IQCE: variants seen among roughly 807,000 people sequenced by gnomAD.
IQCE encodes IQ motif containing E, also known as IQ domain-containing protein E.
In IQCE, 115 loss-of-function variants were observed where a neutral mutation model predicts 96.0. The ratio of observed to expected loss-of-function variants is 1.20; its 90% CI spans 1.03 to 1.40. IQCE has a LOEUF of 1.40. Ranked by LOEUF, IQCE falls within the 40% of genes most tolerant of loss-of-function variation. The pLI, the probability that IQCE is intolerant of heterozygous loss-of-function variation, is 0.00. For synonymous variants in IQCE, 412 were observed against 371.2 expected, an observed-to-expected ratio of 1.11 and a Z score of -1.26; for missense variants, 1,041 against 909.1, an observed-to-expected ratio of 1.15 and a Z score of -1.87.
intron 9 of IQCE, 57 bp from the exon 10 acceptor site, chr7:2,583,580 G>T: frequency 7.4e-7 from 1 of 1,358,890 alleles, no homozygotes; most frequent in Non-Finnish European, 1.0e-6. Flanking sequence ...TCTTCCTCTT[G>T]CTCTGTCCCC....
intron 8 of IQCE, among the ~76,000 whole-genome samples, chr7:2,579,016 G>A (rs1409268073): frequency 2.0e-5 from 3 of 149,644 alleles, no homozygotes; most frequent in Admixed American, 6.7e-5. Context: ...TTGAGATCGC[G>A]CCACTGCACT....
At chr7:2,560,316 A>G (rs1355498296) in intron 1 of IQCE, among the ~76,000 whole-genome samples, 7 of 152,252 alleles carry the variant, frequency 4.6e-5, no homozygotes, top group Non-Finnish European at 1.5e-5. Context: ...GAGCCTGACT[A>G]TGGGGAGTCC....
chr7:2,595,082 A>T (rs1335790816), intron 16 of IQCE, 106 bp downstream of exon 16: 11 of 764,952 alleles, frequency 1.4e-5, no homozygotes, highest in Non-Finnish European at 1.2e-5. Flanking sequence ...AGCCACTGAA[A>T]ATCCCACTCC....
Position 2,610,289 on chromosome 7 carries a change from C to T in IQCE, c.*127C>T, listed in dbSNP as rs1352123574. 1.8e-5 allele frequency: 12 copies of T among 678,120 alleles called. No homozygotes were observed. Among genetic ancestry groups the T allele is most frequent in the Non-Finnish European group, 2.4e-5 (9 of 373,542 alleles). 42.0% of individuals were successfully genotyped at this position (678,120 alleles called of 1,614,324 possible). A position where few individuals can be genotyped will look rare whatever the true frequency, so the allele number is the denominator to read the frequency against. ...CTACTTAACACCTCAGCATCTGCGT[C>T]GTGTCTCTTTGTGCTTTTGTTTGTG... On this transcript the variant is annotated 3_prime_UTR_variant, in exon 22 of 22. Transcript: ENST00000402050.
chr7:2,608,405 G>A (rs746645452), intron 21 of IQCE, among the ~76,000 whole-genome samples: 2 of 152,232 alleles, frequency 1.3e-5, no homozygotes, highest in African/African-American at 2.4e-5. Context: ...CGTATACCAC[G>A]TTTGACCTGG....
rs201803520 is a variant in IQCE, at chr7:2,610,219, C to G, written c.*57C>G. 6 of 979,474 alleles carry G rather than the reference C, an allele frequency of 6.1e-6. No homozygotes were observed. Among genetic ancestry groups the G allele is most frequent in the Non-Finnish European group, 1.0e-5 (6 of 602,158 alleles). The allele number at this position is 979,474 out of a possible 1,614,324, so 60.7% of individuals were successfully genotyped here. On this transcript the variant is annotated 3_prime_UTR_variant, in exon 22 of 22. Transcript: ENST00000402050. ...AGCGCTGCCGAGGACATAGGAACCA[C>G]GACTGGAAAGATAATTTATCGTGTT...
intron 1 of IQCE, among the ~76,000 whole-genome samples, chr7:2,562,146 A>G (rs189689898): frequency 2.5e-3 from 374 of 151,988 alleles, no homozygotes; most frequent in Non-Finnish European, 3.4e-3. Flanking sequence ...TTTTGAGAAA[A>G]TCATATGTTT....
chr7:2,581,439 CAGGCAATCTGGCTGCCTTGG>C (rs1269151509), intron 8 of IQCE, among the ~76,000 whole-genome samples: 3 of 152,122 alleles, frequency 2.0e-5, no homozygotes, highest in Non-Finnish European at 2.9e-5. Context: ...CTCCTAACCT[CAGGCAATCTGGCTGCCTTGG>C]CTTCCCAAAG....
At chr7:2,587,447 G>A (rs1783212194) in intron 12 of IQCE, among the ~76,000 whole-genome samples, 1 of 152,122 alleles carries the variant, frequency 6.6e-6, no homozygotes, top group African/African-American at 2.4e-5. Flanking sequence ...GAGGGGAGGA[G>A]TGGCTAGCGA....
At chr7:2,594,638 G>C (rs1195384325) in intron 15 of IQCE, among the ~76,000 whole-genome samples, 2 of 152,250 alleles carry the variant, frequency 1.3e-5, no homozygotes, top group Non-Finnish European at 2.9e-5. Context: ...GGGGTCCTCA[G>C]CCACGGCCTC....
Position 2,585,967 on chromosome 7 carries a change from C to G in IQCE, c.825-241C>G, listed in dbSNP as rs370302255. Among the ~76,000 whole-genome samples, 4 of 152,272 alleles carry G rather than the reference C, an allele frequency of 2.6e-5. No individual in the cohort carries two copies. The East Asian group carries it at 7.7e-4, about 29-fold the overall frequency. On this transcript the variant is annotated intron_variant, in intron 11 of 21. Coordinates refer to ENST00000402050, the MANE Select transcript of IQCE (RefSeq NM_152558.5). ...GGAAAGTATAATACTGATGGTTGAA[C>G]ACGGTATTTTGTTACACAGGTTTAC...
rs1781897822 is a variant in IQCE, at chr7:2,573,406, A to G, written c.395-12A>G. ...AGATAGTCTTTGAAACGATTTGTTT[A>G]TGTTTCTCTAGGTCATGTCCCTGGG... On this transcript the variant is annotated splice_polypyrimidine_tract_variant and intron_variant, in intron 5 of 21. Coordinates refer to ENST00000402050, the MANE Select transcript of IQCE (RefSeq NM_152558.5). The G allele has an allele frequency of 1.5e-6, 2 of 1,296,060 alleles. No homozygotes were observed. The highest frequency in any genetic ancestry group is 1.1e-6 in the Non-Finnish European group (1 of 892,962). The allele number at this position is 1,296,060 out of a possible 1,614,324, so 80.3% of individuals were successfully genotyped here. A position where few individuals can be genotyped will look rare whatever the true frequency, so the allele number is the denominator to read the frequency against.
At chr7:2,587,082 A>G (rs1718436971) in intron 12 of IQCE, among the ~76,000 whole-genome samples, 1 of 152,222 alleles carries the variant, frequency 6.6e-6, no homozygotes, top group Non-Finnish European at 1.5e-5. Context: ...GTCTGGTTGC[A>G]TCTTGTAGCT....
At chr7:2,589,797 G>A in intron 13 of IQCE, 110 bp from the exon 14 acceptor site, 1 of 1,034,098 alleles carries the variant, frequency 9.7e-7, no homozygotes, top group Non-Finnish European at 1.5e-6. Flanking sequence ...GCTTTCTCAT[G>A]GCCCTGCTGG....
At chr7:2,593,192 C>A in intron 15 of IQCE, 66 bp downstream of exon 15, 1 of 1,523,926 alleles carries the variant, frequency 6.6e-7, no homozygotes, top group South Asian at 1.3e-5. Context: ...CCACTGCGGC[C>A]CCCCGTGGCG....
chr7:2,600,950 G>A (rs967866215), intron 17 of IQCE, among the ~76,000 whole-genome samples: 2 of 152,208 alleles, frequency 1.3e-5, no homozygotes, highest in South Asian at 2.1e-4. Context: ...GGTGACTGAT[G>A]ACCAGTCAGG....
intron 1 of IQCE, 37 bp downstream of exon 1, chr7:2,559,254 C>G: frequency 1.7e-6 from 2 of 1,189,100 alleles, no homozygotes; most frequent in Non-Finnish European, 2.1e-6. Context: ...GGGCGGGCGT[C>G]CGCGAGGCCT....
At chr7:2,570,154 A>G (rs1352309634) in intron 3 of IQCE, among the ~76,000 whole-genome samples, 3 of 152,052 alleles carry the variant, frequency 2.0e-5, no homozygotes, top group Non-Finnish European at 4.4e-5. Flanking sequence ...GAGGCTTTTC[A>G]TCGTCCTGGT....
intron 14 of IQCE, among the ~76,000 whole-genome samples, chr7:2,590,860 C>A (rs1244885054): frequency 6.6e-6 from 1 of 152,206 alleles, no homozygotes; most frequent in Non-Finnish European, 1.5e-5. Flanking sequence ...AATTGACTTT[C>A]ATTGGTTTAT....
Sources: allele counts gnomAD v4.1 joint callset (sites outside exome capture counted in the v4.1 genomes callset), GRCh38; gene constraint gnomAD v4.1.1; transcripts MANE v1.5; gene names NCBI Gene and HGNC (gene_info 2026-07-23, HGNC 2026-07-21).